The following ASPH variants were observed in gnomAD, a reference collection of about 807,000 sequenced individuals.
ASPH encodes aspartate beta-hydroxylase.
Under a neutral mutation model 118.4 loss-of-function variants are expected in ASPH, and 100 were observed. That is an observed-to-expected ratio of 0.84 (90% CI 0.72 to 1.00). ASPH has a LOEUF of 1.00. ASPH is among the 50% of genes least tolerant of loss of function. ASPH has a pLI of 0.00. For synonymous variants in ASPH, 315 were observed against 325.6 expected, an observed-to-expected ratio of 0.97 and a Z score of 0.35; for missense variants, 920 against 919.5, an observed-to-expected ratio of 1.00 and a Z score of -0.01.
At chr8:61,531,046 T>C (rs1417549490) in intron 21 of ASPH, among the ~76,000 whole-genome samples, 3 of 152,240 alleles carry the variant, frequency 2.0e-5, no homozygotes, top group African/African-American at 7.2e-5. Flanking sequence ...TCAGGTATCA[T>C]TCATACTTGA....
In ASPH at chr8:61,639,881, C is replaced by A. The variant is rs549565599; in HGVS notation, c.791-1518G>T. Among the ~76,000 whole-genome samples, 3 of 152,330 alleles carry A rather than the reference C, an allele frequency of 2.0e-5. No homozygotes were observed. The East Asian group carries it at 5.8e-4, about 29-fold the overall frequency. ...AAGAGCACCCCCTGTCACCAGGCTG[C>A]AGAAGCAGAAGAGTGTATGTGGCTC... is the stretch of plus-strand genomic sequence containing the variant. On this transcript the variant is annotated intron_variant, in intron 10 of 24. Transcript: ENST00000379454.
chr8:61,595,373 A>T (rs544044139), intron 14 of ASPH, among the ~76,000 whole-genome samples: 1 of 152,334 alleles, frequency 6.6e-6, no homozygotes, highest in African/African-American at 2.4e-5. Flanking sequence ...ACATGTTTCA[A>T]TGGGAGGTTT....
chr8:61,666,229 A>G (rs1236114493), intron 3 of ASPH, among the ~76,000 whole-genome samples: 1 of 152,156 alleles, frequency 6.6e-6, no homozygotes, highest in East Asian at 1.9e-4. Flanking sequence ...TATTCCTTTA[A>G]GTATGTTTCC....
At chr8:61,569,221 T>G (rs980937412) in intron 16 of ASPH, among the ~76,000 whole-genome samples, 8 of 152,148 alleles carry the variant, frequency 5.3e-5, no homozygotes, top group African/African-American at 9.7e-5. Context: ...AAACTGAGAA[T>G]GGAGAGTAAA....
intron 21 of ASPH, among the ~76,000 whole-genome samples, chr8:61,540,819 G>C (rs78215314): frequency 2.6e-5 from 4 of 152,182 alleles, no homozygotes; most frequent in Non-Finnish European, 4.4e-5. Context: ...CAGGCCAGGC[G>C]CAGTGGTTCA....
chr8:61,516,331 C>T (rs1002082665), intron 24 of ASPH, among the ~76,000 whole-genome samples: 3 of 152,302 alleles, frequency 2.0e-5, no homozygotes, highest in South Asian at 2.1e-4. Context: ...TCTATGACCA[C>T]GGTGGCCTTC....
At chr8:61,626,208 C>A in intron 13 of ASPH, 2 of 1,454,960 alleles carry the variant, frequency 1.4e-6, no homozygotes, top group Admixed American at 5.6e-5. Flanking sequence ...TCTATCACAG[C>A]CATCTTTTGG....
chr8:61,515,152 C>T (rs1481083891), intron 24 of ASPH, among the ~76,000 whole-genome samples: 1 of 152,112 alleles, frequency 6.6e-6, no homozygotes, highest in Non-Finnish European at 1.5e-5. Context: ...AGCACTGAGG[C>T]ATGAGGCTGG....
intron 21 of ASPH, among the ~76,000 whole-genome samples, chr8:61,529,868 T>C (rs778746091): frequency 7.9e-5 from 12 of 152,192 alleles, no homozygotes; most frequent in Non-Finnish European, 1.6e-4. Flanking sequence ...GGGGACTCTT[T>C]TGTAAGGGCA....
At chr8:61,638,200 T>C in intron 11 of ASPH, 122 bp downstream of exon 11, 1 of 1,298,978 alleles carries the variant, frequency 7.7e-7, no homozygotes, top group Non-Finnish European at 1.1e-6. Context: ...AATTATTTTC[T>C]TACTGACTTG....
intron 1 of ASPH, among the ~76,000 whole-genome samples, chr8:61,706,404 C>CAA (rs55731088): frequency 1.2e-3 from 87 of 70,550 alleles, no homozygotes; most frequent in South Asian, 2.3e-3. Flanking sequence ...GGTCATGACT[C>CAA]AAAAAAAAAA....
intron 18 of ASPH, among the ~76,000 whole-genome samples, chr8:61,560,795 G>A (rs1829530906): frequency 6.6e-6 from 1 of 152,032 alleles, no homozygotes; most frequent in East Asian, 1.9e-4. Flanking sequence ...ATCCTGAAGG[G>A]AGGTTTTAAA....
At chr8:61,610,480 T>A (rs1846976672) in intron 14 of ASPH, among the ~76,000 whole-genome samples, 1 of 152,242 alleles carries the variant, frequency 6.6e-6, no homozygotes, top group African/African-American at 2.4e-5. Context: ...GTCAGAAATC[T>A]TGTATAATTA....
At chr8:61,613,041 A>G (rs534644524) in intron 14 of ASPH, among the ~76,000 whole-genome samples, 3 of 152,226 alleles carry the variant, frequency 2.0e-5, no homozygotes, top group African/African-American at 2.4e-5. Context: ...CTATTTATTC[A>G]GCACCCACTA....
rs553105205 is a variant in ASPH at position 61,570,601 on chromosome 8, T to C, written c.1150-3283A>G. Among the ~76,000 whole-genome samples, 288 of 152,300 alleles carry C rather than the reference T, an allele frequency of 1.9e-3. 3 individuals carry two copies. The highest frequency in any genetic ancestry group is 6.6e-3 in the African/African-American group (273 of 41,582). On this transcript the variant is annotated intron_variant, in intron 16 of 24. Coordinates refer to ENST00000379454, the MANE Select transcript of ASPH (RefSeq NM_004318.4). ...GTATTAACATTTACAACTTGCAGAA[T>C]TGGAAAAATATCACTACTAAAATGG...
intron 1 of ASPH, among the ~76,000 whole-genome samples, chr8:61,685,495 G>T (rs985662722): frequency 2.6e-5 from 4 of 151,942 alleles, no homozygotes; most frequent in African/African-American, 9.7e-5. Context: ...CAAATTACAC[G>T]ATTTCAAAAA....
At chr8:61,642,525 G>C (rs1322694508) in intron 10 of ASPH, among the ~76,000 whole-genome samples, 1 of 152,188 alleles carries the variant, frequency 6.6e-6, no homozygotes, top group Non-Finnish European at 1.5e-5. Flanking sequence ...ACATCTTGTA[G>C]TCAAACTATA....
intron 21 of ASPH, among the ~76,000 whole-genome samples, chr8:61,528,546 G>T (rs375718508): frequency 6.6e-6 from 1 of 152,196 alleles, no homozygotes; most frequent in East Asian, 1.9e-4. Context: ...TATTTTAGAA[G>T]ATTCTTTTAT....
At chr8:61,686,881 C>T (rs1830751180) in intron 1 of ASPH, among the ~76,000 whole-genome samples, 1 of 152,076 alleles carries the variant, frequency 6.6e-6, no homozygotes, top group Non-Finnish European at 1.5e-5. Context: ...AACAGCAAGG[C>T]TAAACAAATA....
Sources: allele counts gnomAD v4.1 joint callset (sites outside exome capture counted in the v4.1 genomes callset), GRCh38; gene constraint gnomAD v4.1.1; transcripts MANE v1.5; gene names NCBI Gene and HGNC (gene_info 2026-07-23, HGNC 2026-07-21).